Variants in ZNF735 observed in about 807,000 individuals in gnomAD.
ZNF735 encodes the protein putative zinc finger protein 735.
Under a neutral mutation model 13.4 loss-of-function variants are expected in ZNF735, and 11 were observed. The ratio of observed to expected loss-of-function variants is 0.82; its 90% confidence interval spans 0.52 to 1.36. ZNF735 has a LOEUF of 1.36. Among genes scored for constraint, ZNF735 ranks in the 40% most tolerant of loss-of-function variants. The pLI is 0.00. For synonymous variants in ZNF735, 171 were observed against 162.6 expected (o/e 1.05, Z -0.39); for missense variants, 500 against 484.6 (o/e 1.03, Z -0.30).
intron 3 of ZNF735, 114 bp from the exon 4 acceptor site, chr7:64,219,200 A>G: frequency 7.6e-7 from 1 of 1,319,258 alleles, no homozygotes. Flanking sequence ...GGCCTGTGGT[A>G]TTTTGATATG....
chr7:64,219,432 ATGT>A (rs1562834070), exon 4 of ZNF735: 1 of 1,613,990 alleles, frequency 6.2e-7, no homozygotes. Flanking sequence ...AATTAAAAAA[ATGT>A]TGTAAAAGAG....
At chr7:64,214,252 T>A (rs1248038711) in intron 3 of ZNF735, 144 bp downstream of exon 3, 4 of 938,640 alleles carry the variant, frequency 4.3e-6, no homozygotes, top group African/African-American at 1.7e-5. Flanking sequence ...TTTTTTATTT[T>A]TTTTATTTTT....
At position 64,220,210 on chromosome 7, in the gene ZNF735, G is replaced by A. The variant is rs1469003726; in HGVS notation, c.1159G>A (p.Asp387Asn). ...GAAACCATACAAATGTGAAGAATGT[G>A]ACAAAGCTTTTAAGTGGCATTCAAG... Residue 387 changes from aspartate (D) to asparagine (N), a missense_variant, in exon 4 of 4, where the codon GAC becomes AAC. Transcript: ENST00000429565. The A allele has an allele frequency of 6.2e-7, 1 of 1,612,902 alleles. No individual in the cohort carries two copies. Among genetic ancestry groups the A allele is most frequent in the Non-Finnish European group, 8.5e-7 (1 of 1,179,550 alleles).
intron 1 of ZNF735, among the ~76,000 whole-genome samples, chr7:64,208,916 G>A (rs866375729): frequency 5.3e-5 from 8 of 152,064 alleles, no homozygotes; most frequent in African/African-American, 9.7e-5. Flanking sequence ...TCTTATAGCC[G>A]CATCATATTT....
chr7:64,215,874 CTTTA>C (rs1787413854), intron 3 of ZNF735, among the ~76,000 whole-genome samples: 1 of 152,098 alleles, frequency 6.6e-6, no homozygotes, highest in South Asian at 2.1e-4. Context: ...TCTATCATGT[CTTTA>C]TTTGTCTTTG....
At chr7:64,219,268 T>C in intron 3 of ZNF735, 46 bp from the exon 4 acceptor site, 3 of 1,583,858 alleles carry the variant, frequency 1.9e-6, no homozygotes, top group Non-Finnish European at 2.6e-6. Context: ...AGTATATTTA[T>C]CTGAGTCTAG....
intron 3 of ZNF735, among the ~76,000 whole-genome samples, chr7:64,217,377 T>C (rs975899900): frequency 6.6e-6 from 1 of 152,346 alleles, no homozygotes; most frequent in African/African-American, 2.4e-5. Context: ...TTTTTCATTA[T>C]AAAAGTTTTC....
At chr7:64,219,676 A>G (rs1369417833) in exon 4 of ZNF735, 11 of 1,586,952 alleles carry the variant, frequency 6.9e-6, no homozygotes, top group African/African-American at 1.3e-5. Context: ...AATTCATACT[A>G]AGGAGAAGTC....
intron 1 of ZNF735, among the ~76,000 whole-genome samples, chr7:64,207,544 G>A (rs1020870590): frequency 5.3e-5 from 8 of 152,222 alleles, no homozygotes; most frequent in Non-Finnish European, 4.4e-5. Context: ...GATTGGGAAA[G>A]TTATCAGGGG....
rs1584216650 is a variant in ZNF735 at position 64,219,479 on chromosome 7, A to G, written c.428A>G (p.Asn143Ser). The change falls in exon 4 of 4, where the codon AAT (asparagine) becomes AGT (serine). Residue 143 changes from asparagine to serine, a missense_variant. Transcript: ENST00000429565. ...TGTGAGGTGCACAAAGGAGGTTATA[A>G]TGACCTTAACCAATGTTTGTCAAAT... The G allele has an allele frequency of 1.2e-5, 20 of 1,613,542 alleles. No individual in the cohort carries two copies. The East Asian group carries it at 4.5e-4, about 36-fold the overall frequency.
intron 1 of ZNF735, among the ~76,000 whole-genome samples, chr7:64,209,547 A>G (rs1787332978): frequency 6.6e-6 from 1 of 151,922 alleles, no homozygotes; most frequent in South Asian, 2.1e-4. Context: ...GGCTGGTCTC[A>G]AACTCCTGAC....
chr7:64,209,949 T>A (rs988369101), intron 1 of ZNF735, among the ~76,000 whole-genome samples: 2 of 152,200 alleles, frequency 1.3e-5, no homozygotes, highest in African/African-American at 4.8e-5. Context: ...TCAATTTTTA[T>A]GTAATTTCAT....
At chr7:64,209,572 G>A (rs1402046970) in intron 1 of ZNF735, among the ~76,000 whole-genome samples, 2 of 151,530 alleles carry the variant, frequency 1.3e-5, no homozygotes, top group Non-Finnish European at 2.9e-5. Flanking sequence ...TGATTTGCCC[G>A]CCTTGGCCTC....
chr7:64,212,237 T>C (rs1318676957), intron 1 of ZNF735, among the ~76,000 whole-genome samples: 1 of 152,174 alleles, frequency 6.6e-6, no homozygotes, highest in Admixed American at 6.5e-5. Context: ...TATTTACAGG[T>C]GAGAGAAACT....
exon 4 of ZNF735, chr7:64,219,448 G>A (rs1238979663): frequency 6.2e-7 from 1 of 1,613,908 alleles, no homozygotes. Flanking sequence ...TAAAAGAGTA[G>A]ATGAGTGTGA....
At chr7:64,211,493 T>C (rs1239353681) in intron 1 of ZNF735, among the ~76,000 whole-genome samples, 1 of 152,184 alleles carries the variant, frequency 6.6e-6, no homozygotes, top group Non-Finnish European at 1.5e-5. Context: ...CAAAGACTAC[T>C]TAAAATTACT....
intron 1 of ZNF735, among the ~76,000 whole-genome samples, chr7:64,207,528 T>C (rs901312687): frequency 1.4e-4 from 22 of 152,248 alleles, no homozygotes; most frequent in Non-Finnish European, 2.8e-4. Flanking sequence ...ATCCAGATTG[T>C]ACAGGGATTG....
chr7:64,213,937 C>T (rs1186268359), intron 2 of ZNF735, 76 bp from the exon 3 acceptor site: 17 of 1,329,744 alleles, frequency 1.3e-5, no homozygotes, highest in East Asian at 1.2e-4. Flanking sequence ...CCAGCCTGAG[C>T]GACAGAGTGA....
chr7:64,216,336 A>T (rs1054849911), intron 3 of ZNF735, among the ~76,000 whole-genome samples: 2 of 152,102 alleles, frequency 1.3e-5, no homozygotes, highest in African/African-American at 4.8e-5. Context: ...TAATAAATAT[A>T]CTTTTGGAAT....
Sources: allele counts gnomAD v4.1 joint callset (sites outside exome capture counted in the v4.1 genomes callset), GRCh38; gene constraint gnomAD v4.1.1; transcripts MANE v1.5; gene names NCBI Gene and HGNC (gene_info 2026-07-23, HGNC 2026-07-21).